Variants in TGIF2 observed in about 807,000 individuals in gnomAD.
TGIF2 encodes the protein TGFB induced factor homeobox 2.
TGIF2 carries 5 observed loss-of-function variants against 15.1 expected under a neutral mutation model. The ratio of observed to expected loss-of-function variants is 0.33; its 90% CI spans 0.17 to 0.70. The LOEUF is 0.70. Ranked by LOEUF, TGIF2 falls within the 30% of genes least tolerant of loss-of-function variation. TGIF2 has a pLI of 0.67. For synonymous variants in TGIF2, 131 were observed against 128.9 expected, an observed-to-expected ratio of 1.02 and a Z score of -0.11; for missense variants, 264 against 302.5, an observed-to-expected ratio of 0.87 and a Z score of 0.94.
rs1476901318 is a variant in TGIF2, at chr20:36,593,289, G to C, written c.*1858G>C. ...TGACTAACTTGGGTGGGTGGATCTAGCCAGGAGAAAGACAGTAACATGTGT... is the reference window on the plus strand; with the variant it reads ...TGACTAACTTGGGTGGGTGGATCTACCCAGGAGAAAGACAGTAACATGTGT... On this transcript the variant is annotated 3_prime_UTR_variant, in exon 3 of 3. Coordinates refer to ENST00000373872, the MANE Select transcript of TGIF2 (RefSeq NM_021809.7). 6.6e-6 allele frequency: 1 copy of C among 152,380 alleles called. No homozygotes were observed. The highest frequency in any genetic ancestry group is 1.5e-5 in the Non-Finnish European group (1 of 68,044). The allele number at this position is 152,380 out of a possible 1,614,324, so 9.4% of individuals were successfully genotyped here. A position where few individuals can be genotyped will look rare whatever the true frequency, so the allele number is the denominator to read the frequency against.
chr20:36,577,042 T>C (rs2038444596), intron 1 of TGIF2, among the ~76,000 whole-genome samples: 1 of 151,978 alleles, frequency 6.6e-6, no homozygotes, highest in South Asian at 2.1e-4. Flanking sequence ...AACAGGTTTT[T>C]AATTATGTCG....
intron 2 of TGIF2, among the ~76,000 whole-genome samples, chr20:36,590,454 A>G (rs1183145307): frequency 2.0e-5 from 3 of 152,290 alleles, no homozygotes; most frequent in East Asian, 1.9e-4. Flanking sequence ...GGGTTTCACT[A>G]TGTTGGCCAG....
At chr20:36,582,360 A>C (rs572973907) in intron 2 of TGIF2, among the ~76,000 whole-genome samples, 9 of 152,278 alleles carry the variant, frequency 5.9e-5, no homozygotes, top group Admixed American at 4.6e-4. Flanking sequence ...TAAAAAAAAA[A>C]CCACTTCTTT....
At chr20:36,579,187 T>C (rs148121128) in intron 2 of TGIF2, among the ~76,000 whole-genome samples, 1 of 152,178 alleles carries the variant, frequency 6.6e-6, no homozygotes, top group Admixed American at 6.5e-5. Context: ...GTCCTTTTTT[T>C]TTGAGACGGA....
chr20:36,588,281 T>A (rs1303782150), intron 2 of TGIF2, among the ~76,000 whole-genome samples: 1 of 151,198 alleles, frequency 6.6e-6, no homozygotes, highest in Non-Finnish European at 1.5e-5. Context: ...GTGGCTGGCA[T>A]GATACTGCTA....
At chr20:36,584,172 T>C (rs1400307069) in intron 2 of TGIF2, among the ~76,000 whole-genome samples, 1 of 152,212 alleles carries the variant, frequency 6.6e-6, no homozygotes, top group Non-Finnish European at 1.5e-5. Flanking sequence ...TCCCACTACA[T>C]TGATCCACCT....
intron 2 of TGIF2, among the ~76,000 whole-genome samples, chr20:36,588,756 T>C (rs2038711866): frequency 6.6e-6 from 1 of 152,198 alleles, no homozygotes; most frequent in Admixed American, 6.6e-5. Flanking sequence ...GACAGCCTGG[T>C]GCTGTCTTTG....
At chr20:36,580,174 C>A (rs879261109) in intron 2 of TGIF2, among the ~76,000 whole-genome samples, 32 of 152,294 alleles carry the variant, frequency 2.1e-4, no homozygotes, top group Admixed American at 2.0e-3. Context: ...ATTACTCCAA[C>A]CTTTGATGCT....
At chr20:36,583,277 AAAAAC>A (rs1379499422) in intron 2 of TGIF2, among the ~76,000 whole-genome samples, 28 of 151,556 alleles carry the variant, frequency 1.8e-4, no homozygotes, top group African/African-American at 6.3e-4. Context: ...CTCAAAAAAA[AAAAAC>A]AAACAAACAA....
rs2038762060 is a variant in TGIF2 at position 36,591,128 on chromosome 20, C to T, written c.411C>T (p.Gly137=). 5.0e-6 allele frequency: 8 copies of T among 1,613,578 alleles called. No homozygotes were observed. The highest frequency in any genetic ancestry group is 6.8e-6 in the Non-Finnish European group (8 of 1,179,662). ...TGTGCTCCATGCCGCTTCACTCAGGCCAGGGGGAAAAGCCAGCAGCCCCTT... is the reference window on the plus strand; with the variant it reads ...TGTGCTCCATGCCGCTTCACTCAGGTCAGGGGGAAAAGCCAGCAGCCCCTT... ...LSVCSMPLHS[G]QGEKPAAPFP... is the part of the protein sequence containing the mutation. Residue 137 remains glycine (G), a synonymous_variant, in exon 3 of 3, where the codon GGC becomes GGT. Coordinates refer to ENST00000373872, the MANE Select transcript of TGIF2 (RefSeq NM_021809.7). The surrounding 1 kb of genome is among the most constrained non-coding windows in gnomAD (Gnocchi z 5.3).
chr20:36,591,081 A>C lies in TGIF2; in HGVS notation c.364A>C (p.Thr122Pro), dbSNP rs1347612608. ...SVLAVSVPAP[T>P]NVLSLSVCSM... ...GCTGGCTGTGTCTGTCCCAGCCCCC[A>C]CCAATGTGCTCTCCCTGTCTGTGTG... The change falls in exon 3 of 3, where the codon ACC (threonine) becomes CCC (proline). Residue 122 changes from threonine (T) to proline (P), a missense_variant. Coordinates refer to ENST00000373872, the MANE Select transcript of TGIF2 (RefSeq NM_021809.7). This position sits in a 1 kb window ranked among gnomAD's most constrained non-coding sequence, Gnocchi z 5.3. The C allele has an allele frequency of 1.3e-6, 2 of 1,596,656 alleles. No homozygotes were observed. Among genetic ancestry groups the C allele is most frequent in the Non-Finnish European group, 1.7e-6 (2 of 1,166,738 alleles).
intron 2 of TGIF2, among the ~76,000 whole-genome samples, chr20:36,581,654 G>A (rs367863285): frequency 1.3e-5 from 2 of 152,116 alleles, no homozygotes; most frequent in South Asian, 2.1e-4. Context: ...GTGTGATGGA[G>A]TCTTGCTCTG....
intron 2 of TGIF2, among the ~76,000 whole-genome samples, chr20:36,590,242 C>A (rs1194290596): frequency 6.6e-6 from 1 of 152,180 alleles, no homozygotes; most frequent in Non-Finnish European, 1.5e-5. Flanking sequence ...CAGGTGTGAG[C>A]CACCGTGCCC....
At chr20:36,575,307 C>T (rs2038404885) in intron 1 of TGIF2, among the ~76,000 whole-genome samples, 1 of 152,074 alleles carries the variant, frequency 6.6e-6, no homozygotes, top group African/African-American at 2.4e-5. Context: ...GCCTCCCAGA[C>T]TACAGATGGC....
chr20:36,590,037 C>G (rs1217799111), intron 2 of TGIF2, among the ~76,000 whole-genome samples: 1 of 152,204 alleles, frequency 6.6e-6, no homozygotes, highest in East Asian at 1.9e-4. Context: ...TCACTGCAGT[C>G]TCTGCCTCCC....
At chr20:36,578,057 A>G (rs534198283) in intron 1 of TGIF2, among the ~76,000 whole-genome samples, 4 of 152,116 alleles carry the variant, frequency 2.6e-5, no homozygotes, top group Middle Eastern at 3.4e-3. Context: ...CTATAAAATG[A>G]TGATAATAAT....
At chr20:36,576,382 G>A (rs1289720350) in intron 1 of TGIF2, among the ~76,000 whole-genome samples, 1 of 152,176 alleles carries the variant, frequency 6.6e-6, no homozygotes, top group East Asian at 1.9e-4. Flanking sequence ...GTAGAGAGAT[G>A]ACTCACCTCT....
intron 1 of TGIF2, among the ~76,000 whole-genome samples, chr20:36,576,776 T>C (rs1179686880): frequency 6.6e-6 from 1 of 152,108 alleles, no homozygotes; most frequent in East Asian, 1.9e-4. Context: ...TGTGATCTCA[T>C]CTCATTGCAA....
At chr20:36,580,470 T>C (rs547819297) in intron 2 of TGIF2, among the ~76,000 whole-genome samples, 1 of 152,220 alleles carries the variant, frequency 6.6e-6, no homozygotes, top group East Asian at 1.9e-4. Context: ...GGGAGGTGAT[T>C]GTAGCACTTT....
Sources: gnomAD v4.1 joint callset for allele counts (sites outside exome capture counted in the v4.1 genomes callset) on GRCh38, gnomAD v4.1.1 for gene constraint, Gnocchi (gnomAD v3.1) non-coding constraint, MANE v1.5 for transcripts, NCBI Gene and HGNC (gene_info 2026-07-23, HGNC 2026-07-21) for gene names.